The following TOX2 variants were observed in gnomAD, a reference collection of about 807,000 sequenced individuals.
The protein encoded by TOX2 is granulosa cell HMG box 1.
A neutral mutation model predicts 47.4 loss-of-function variants in TOX2; 15 were observed. The ratio of observed to expected loss-of-function variants is 0.32; its 90% CI spans 0.21 to 0.49. The LOEUF (loss-of-function observed/expected upper bound fraction) is 0.49. Among genes scored for constraint, TOX2 ranks in the 20% least tolerant of loss-of-function variants. The pLI is 0.99. For synonymous variants in TOX2, 290 were observed against 296.6 expected (o/e 0.98, Z 0.23); for missense variants, 622 against 673.1 (o/e 0.92, Z 0.84).
chr20:43,960,165 T>G (rs1193965982), intron 1 of TOX2, among the ~76,000 whole-genome samples: 3 of 152,230 alleles, frequency 2.0e-5, no homozygotes, highest in Admixed American at 2.0e-4. Context: ...GTTAGTGTGA[T>G]GTAAACATTG....
chr20:44,035,179 G>A (rs1007145336), intron 3 of TOX2, among the ~76,000 whole-genome samples: 2 of 152,242 alleles, frequency 1.3e-5, no homozygotes, highest in East Asian at 3.8e-4. Context: ...AGCCAGAGTG[G>A]TTCCATCGGG....
chr20:44,052,385 G>T (rs2071529663), intron 4 of TOX2, among the ~76,000 whole-genome samples: 1 of 152,160 alleles, frequency 6.6e-6, no homozygotes, highest in Non-Finnish European at 1.5e-5. Flanking sequence ...GTTTGCCCAG[G>T]GCCTCCCAGC....
At chr20:44,023,437 A>G (rs1049213136) in intron 3 of TOX2, among the ~76,000 whole-genome samples, 10 of 151,362 alleles carry the variant, frequency 6.6e-5, no homozygotes, top group East Asian at 1.9e-4. Flanking sequence ...CTCAGAAAAA[A>G]AAAAAAAAAA....
Position 43,937,196 on chromosome 20 carries a change from C to T in TOX2, c.99+22206C>T, listed in dbSNP as rs181613103. 6.2e-3 allele frequency among the ~76,000 whole-genome samples: 938 copies of T among 152,166 alleles called. 3 individuals carry two copies. The highest frequency in any genetic ancestry group is 8.7e-3 in the Non-Finnish European group (594 of 68,008). On this transcript the variant is annotated intron_variant, in intron 1 of 8. Transcript: ENST00000341197. ...CATTCCAGGCAGGGAAGAGCACGCGCGAAGGTCCTGTGGAAGGAGGGGCCT... is the reference window on the plus strand; with the variant it reads ...CATTCCAGGCAGGGAAGAGCACGCGTGAAGGTCCTGTGGAAGGAGGGGCCT...
chr20:44,036,166 G>GGGGGCCGT (rs1269045319), intron 3 of TOX2, among the ~76,000 whole-genome samples: 2 of 152,216 alleles, frequency 1.3e-5, no homozygotes, highest in Non-Finnish European at 2.9e-5. Flanking sequence ...GTGGTCCTGA[G>GGGGGCCGT]GGGGCCGTCG....
chr20:43,978,795 G>GTGTA (rs2070123588), intron 2 of TOX2, among the ~76,000 whole-genome samples: 1 of 150,450 alleles, frequency 6.6e-6, no homozygotes, highest in Non-Finnish European at 1.5e-5. Flanking sequence ...GTGTGTGTGT[G>GTGTA]TGTATTAGAG....
At chr20:43,957,622 G>C (rs914325704) in intron 1 of TOX2, among the ~76,000 whole-genome samples, 29 of 146,196 alleles carry the variant, frequency 2.0e-4, no homozygotes, top group Middle Eastern at 3.8e-3. Flanking sequence ...CACAGGGCTA[G>C]AGGTCAGAAG....
chr20:44,049,085 G>A (rs1385136234), intron 3 of TOX2, among the ~76,000 whole-genome samples: 3 of 152,200 alleles, frequency 2.0e-5, no homozygotes, highest in African/African-American at 7.2e-5. Context: ...TCCAGCCTGC[G>A]CGATGCAGCA....
At chr20:43,949,627 C>G (rs1298262328) in intron 1 of TOX2, among the ~76,000 whole-genome samples, 2 of 152,238 alleles carry the variant, frequency 1.3e-5, no homozygotes, top group African/African-American at 4.8e-5. Context: ...TATTGTGCCT[C>G]TTAATTTTAC....
At chr20:44,048,196 G>C (rs572260186) in intron 3 of TOX2, among the ~76,000 whole-genome samples, 1 of 151,946 alleles carries the variant, frequency 6.6e-6, no homozygotes, top group African/African-American at 2.4e-5. Flanking sequence ...CTGCACTCCA[G>C]TGTGGGCAAC....
chr20:44,022,200 T>C (rs2070987384), intron 3 of TOX2, among the ~76,000 whole-genome samples: 1 of 152,164 alleles, frequency 6.6e-6, no homozygotes, highest in African/African-American at 2.4e-5. Context: ...GGTCAGCACA[T>C]TGCCAGAATT....
At chr20:44,043,399 C>T (rs145444036) in intron 3 of TOX2, among the ~76,000 whole-genome samples, 1 of 152,310 alleles carries the variant, frequency 6.6e-6, no homozygotes, top group African/African-American at 2.4e-5. Flanking sequence ...AAAGAAATAA[C>T]CACTATTCTG....
chr20:43,982,771 G>T (rs2070190613), intron 2 of TOX2, among the ~76,000 whole-genome samples: 1 of 151,800 alleles, frequency 6.6e-6, no homozygotes, highest in African/African-American at 2.4e-5. Context: ...TGCTGATGGG[G>T]CTGGGTGTGA....
intron 2 of TOX2, among the ~76,000 whole-genome samples, chr20:43,992,772 C>T (rs1433762347): frequency 4.2e-5 from 6 of 143,396 alleles, no homozygotes; most frequent in African/African-American, 2.6e-5. Context: ...AACATGCAAA[C>T]ACATAGAATA....
At chr20:44,043,991 G>A (rs921788357) in intron 3 of TOX2, among the ~76,000 whole-genome samples, 6 of 152,132 alleles carry the variant, frequency 3.9e-5, no homozygotes, top group South Asian at 2.1e-4. Context: ...TGTTTACTGC[G>A]GCACTATTCA....
intron 1 of TOX2, among the ~76,000 whole-genome samples, chr20:43,921,250 G>A (rs2069109817): frequency 6.6e-6 from 1 of 152,172 alleles, no homozygotes; most frequent in South Asian, 2.1e-4. Context: ...CTCCCCCTTG[G>A]TCCAGCAGTC....
intron 3 of TOX2, among the ~76,000 whole-genome samples, chr20:44,038,553 AAAAAG>A (rs1347084062): frequency 6.6e-6 from 1 of 152,226 alleles, no homozygotes; most frequent in Non-Finnish European, 1.5e-5. Flanking sequence ...ACTTGTCAAT[AAAAAG>A]AAAAGAAAAA....
At chr20:43,949,962 A>T (rs139145427) in intron 1 of TOX2, among the ~76,000 whole-genome samples, 4 of 152,296 alleles carry the variant, frequency 2.6e-5, no homozygotes, top group African/African-American at 4.8e-5. Flanking sequence ...CTTCAGACCT[A>T]GACAGACTGG....
chr20:43,966,803 G>A (rs2069863119), intron 1 of TOX2, among the ~76,000 whole-genome samples: 1 of 151,880 alleles, frequency 6.6e-6, no homozygotes, highest in Non-Finnish European at 1.5e-5. Flanking sequence ...CTATGCTGAG[G>A]ACCCACGGGA....
Sources: allele counts gnomAD v4.1 joint callset (sites outside exome capture counted in the v4.1 genomes callset), GRCh38; gene constraint gnomAD v4.1.1; transcripts MANE v1.5; gene names NCBI Gene and HGNC (gene_info 2026-07-23, HGNC 2026-07-21).